TMX3: variants seen among roughly 807,000 people sequenced by gnomAD.
The protein encoded by TMX3 is thioredoxin related transmembrane protein 3.
In TMX3, 40 loss-of-function variants were observed where a neutral mutation model predicts 64.4. The observed-to-expected ratio is 0.62, with a 90% CI of 0.48 to 0.81. The LOEUF (loss-of-function observed/expected upper bound fraction) is 0.81. Among genes scored for constraint, TMX3 ranks in the 30% least tolerant of loss-of-function variants. TMX3 has a pLI of 0.00. For synonymous variants in TMX3, 189 were observed against 175.7 expected (o/e 1.08, Z -0.60); for missense variants, 497 against 534.5 (o/e 0.93, Z 0.69).
At chr18:68,711,450 T>G (rs2031266788) in intron 2 of TMX3, 47 bp from the exon 3 acceptor site, 2 of 1,371,382 alleles carry the variant, frequency 1.5e-6, no homozygotes, top group Non-Finnish European at 2.1e-6. Flanking sequence ...TGTGTCCACT[T>G]TACAACTGTA....
At chr18:68,714,595 G>A (rs971019442) in intron 1 of TMX3, among the ~76,000 whole-genome samples, 1 of 151,988 alleles carries the variant, frequency 6.6e-6, no homozygotes, top group African/African-American at 2.4e-5. Context: ...GCCAAGGCAA[G>A]ATTTGGTCGT....
At chr18:68,678,524 TACTC>T (rs1339527369) in intron 15 of TMX3, among the ~76,000 whole-genome samples, 1 of 151,964 alleles carries the variant, frequency 6.6e-6, no homozygotes, top group African/African-American at 2.4e-5. Context: ...GGAGTAGTGA[TACTC>T]ACAGCAGCAC....
Position 68,674,820 on chromosome 18 carries a change from A to AAATAG in TMX3, c.*2112_*2113insCTATT, listed in dbSNP as rs1912796315. On this transcript the variant is annotated 3_prime_UTR_variant, in exon 16 of 16. Coordinates refer to ENST00000299608, the MANE Select transcript of TMX3 (RefSeq NM_019022.5). ...CACATTTTGTTTTCCCAACAGACACACTTTAAAAGCACAAATAGAATATAA... is the reference window on the plus strand; with the variant it reads ...CACATTTTGTTTTCCCAACAGACACAAATAGCTTTAAAAGCACAAATAGAATATAA... 6.6e-6 allele frequency: 1 copy of AAATAG among 152,154 alleles called. No homozygotes were observed. Among genetic ancestry groups the AAATAG allele is most frequent in the African/African-American group, 2.4e-5 (1 of 41,446 alleles). The allele number at this position is 152,154 out of a possible 1,614,324, so 9.4% of individuals were successfully genotyped here. A position where few individuals can be genotyped will look rare whatever the true frequency, so the allele number is the denominator to read the frequency against.
Position 68,701,742 on chromosome 18 carries a change from T to G in TMX3, c.311+3A>C. 6.2e-7 allele frequency: 1 copy of G among 1,612,018 alleles called. No homozygotes were observed. Among genetic ancestry groups the G allele is most frequent in the Non-Finnish European group, 8.5e-7 (1 of 1,178,976 alleles). On this transcript the variant is annotated splice_donor_region_variant and intron_variant, in intron 5 of 15. Transcript: ENST00000299608. ...ACATATAAACATACAACACTCAACT[T>G]ACAGCTTAATTGTTGGATAACCTCG... is the stretch of plus-strand genomic sequence containing the variant.
intron 9 of TMX3, chr18:68,689,561 T>G (rs1914312927): frequency 1.3e-5 from 2 of 152,114 alleles, no homozygotes; most frequent in Non-Finnish European, 2.9e-5. Flanking sequence ...ATGGTAAGAA[T>G]AGTGATTTTA....
At chr18:68,680,497 C>T (rs555708871) in intron 14 of TMX3, among the ~76,000 whole-genome samples, 4 of 152,242 alleles carry the variant, frequency 2.6e-5, no homozygotes, top group East Asian at 3.9e-4. Flanking sequence ...GAACTCTCCA[C>T]GGGGGCTTTT....
rs771084822 is a variant in TMX3 at position 68,697,974 on chromosome 18, G to GT, written c.449dup (p.His150GlnfsTer41). 1 of 1,612,338 alleles carries GT rather than the reference G, an allele frequency of 6.2e-7. No homozygotes were observed. The highest frequency in any genetic ancestry group is 2.2e-5 in the East Asian group (1 of 44,786). On this transcript the variant is annotated frameshift_variant, in exon 7 of 16. Transcript: ENST00000299608. LOFTEE classifies it high-confidence loss of function. ...CACCTACATAAACGAAAAATACACG[G>GT]TGTCTCTTCTGCATATGTTCAAACA...
intron 4 of TMX3, among the ~76,000 whole-genome samples, chr18:68,706,819 G>A (rs1262707249): frequency 6.6e-6 from 1 of 152,128 alleles, no homozygotes; most frequent in African/African-American, 2.4e-5. Flanking sequence ...AATTCACAAG[G>A]CAAAAATCTG....
intron 10 of TMX3, 78 bp downstream of exon 10, chr18:68,687,589 T>C: frequency 6.5e-7 from 1 of 1,536,536 alleles, no homozygotes; most frequent in Non-Finnish European, 8.7e-7. Flanking sequence ...CTTAAATTCA[T>C]TTCCTACAAA....
At chr18:68,687,522 T>C in intron 10 of TMX3, 145 bp downstream of exon 10, 2 of 1,418,400 alleles carry the variant, frequency 1.4e-6, no homozygotes, top group Non-Finnish European at 1.8e-6. Context: ...TCAGTTTACA[T>C]TCTCGTAAAG....
At position 68,713,880 on chromosome 18, in the gene TMX3, C is replaced by A; in HGVS notation, c.67G>T (p.Val23Phe). ...CATVVVLDMV[V>F]CKGFVEDLDE... Reference sequence around the variant, plus strand: ...AAATCTTCTACAAATCCTTTACAGACGACCATATCAAGTACAACAACTGAA... The same window carrying A: ...AAATCTTCTACAAATCCTTTACAGAAGACCATATCAAGTACAACAACTGAA... Residue 23 changes from valine (V) to phenylalanine (F), a missense_variant, in exon 2 of 16, where the codon GTC becomes TTC. This residue lies in a region of TMX3 where 360 missense variants were observed against 383.5 expected (regional missense o/e 0.94). Coordinates refer to ENST00000299608, the MANE Select transcript of TMX3 (RefSeq NM_019022.5). 1 of 1,578,544 alleles carries A rather than the reference C, an allele frequency of 6.3e-7. No homozygotes were observed. The highest frequency in any genetic ancestry group is 8.7e-7 in the Non-Finnish European group (1 of 1,153,976).
chr18:68,686,226 A>G (rs546350669), intron 10 of TMX3, among the ~76,000 whole-genome samples: 44 of 152,280 alleles, frequency 2.9e-4, no homozygotes, highest in African/African-American at 1.1e-3. Context: ...AGGGGCAATT[A>G]TGTCAGACAC....
intron 14 of TMX3, among the ~76,000 whole-genome samples, chr18:68,680,762 C>T (rs1393364796): frequency 6.6e-6 from 1 of 152,146 alleles, no homozygotes; most frequent in African/African-American, 2.4e-5. Context: ...TAAAAGGACA[C>T]TTCCATCTTT....
intron 10 of TMX3, among the ~76,000 whole-genome samples, chr18:68,684,935 T>C (rs1382686564): frequency 1.3e-5 from 2 of 152,210 alleles, no homozygotes; most frequent in Non-Finnish European, 2.9e-5. Flanking sequence ...AAATGGTTTT[T>C]ACATGGCCGT....
chr18:68,706,022 C>T (rs1303157321), intron 4 of TMX3, among the ~76,000 whole-genome samples: 1 of 152,176 alleles, frequency 6.6e-6, no homozygotes, highest in Non-Finnish European at 1.5e-5. Flanking sequence ...TAACTCTCTA[C>T]CAAAATAACA....
At chr18:68,700,300 A>C (rs954314424) in intron 6 of TMX3, 105 bp downstream of exon 6, 1 of 696,132 alleles carries the variant, frequency 1.4e-6, no homozygotes, top group African/African-American at 1.9e-5. Context: ...AATAAATTTT[A>C]CCTAGGTATG....
At chr18:68,692,026 CAATAA>C (rs998167217) in intron 8 of TMX3, among the ~76,000 whole-genome samples, 5 of 151,698 alleles carry the variant, frequency 3.3e-5, no homozygotes, top group African/African-American at 7.3e-5. Context: ...AGTAAAATAA[CAATAA>C]AATAAAGACA....
At chr18:68,681,333 C>T in intron 13 of TMX3, 2 of 603,728 alleles carry the variant, frequency 3.3e-6, no homozygotes, top group Non-Finnish European at 4.5e-6. Flanking sequence ...CGCAATTCAT[C>T]TTTAAGTCTT....
intron 6 of TMX3, among the ~76,000 whole-genome samples, chr18:68,699,462 C>T (rs537885779): frequency 5.8e-4 from 89 of 152,240 alleles, no homozygotes; most frequent in African/African-American, 2.0e-3. Flanking sequence ...CAAGAAAATA[C>T]AGTGAAAATT....
Sources: gnomAD v4.1 joint callset for allele counts (sites outside exome capture counted in the v4.1 genomes callset) on GRCh38, gnomAD v4.1.1 for gene constraint, gnomAD v4.1.1 regional missense constraint, MANE v1.5 for transcripts, NCBI Gene and HGNC (gene_info 2026-07-23, HGNC 2026-07-21) for gene names.